The following LAMA1 variants were observed in gnomAD, a reference collection of about 807,000 sequenced individuals.
The protein encoded by LAMA1 is laminin subunit alpha-1.
In LAMA1, 219 loss-of-function variants were observed where a neutral mutation model predicts 348.7. That is an observed-to-expected ratio of 0.63 (90% CI 0.56 to 0.70). The LOEUF (loss-of-function observed/expected upper bound fraction) is 0.70. Ranked by LOEUF, LAMA1 falls within the 30% of genes least tolerant of loss-of-function variation. The probability of loss-of-function intolerance (pLI) is 0.00; values close to 1 mark genes in which losing one functional copy is unlikely to be tolerated. For synonymous variants in LAMA1, 1,487 were observed against 1,491.0 expected, an observed-to-expected ratio of 1.00 and a Z score of 0.06; for missense variants, 3,744 against 3,888.0, an observed-to-expected ratio of 0.96 and a Z score of 0.99.
At chr18:6,988,048 AG>A (rs1210074947) in intron 36 of LAMA1, among the ~76,000 whole-genome samples, 6 of 152,104 alleles carry the variant, frequency 3.9e-5, no homozygotes, top group Non-Finnish European at 8.8e-5. Flanking sequence ...TGGGAGGTGG[AG>A]GTTGCAGTGA....
At chr18:7,093,347 T>C (rs957011867) in intron 1 of LAMA1, among the ~76,000 whole-genome samples, 4 of 151,294 alleles carry the variant, frequency 2.6e-5, no homozygotes, top group South Asian at 2.1e-4. Flanking sequence ...ACCCGGGAGG[T>C]GGAGCTTGCA....
At chr18:6,993,160 G>T (rs1025430580) in intron 35 of LAMA1, among the ~76,000 whole-genome samples, 21 of 152,082 alleles carry the variant, frequency 1.4e-4, no homozygotes, top group African/African-American at 4.8e-4. Flanking sequence ...ATTGGATTCT[G>T]TACTTTTTAA....
chr18:7,024,368 G>A lies in LAMA1; in HGVS notation c.2489+12C>T, dbSNP rs1400923593. On this transcript the variant is annotated intron_variant, in intron 18 of 62. Transcript: ENST00000389658. Reference sequence around the variant, plus strand: ...TTTCGAAAATGTGTTGAAGCCAGTGGATGCAGAGTACCTCTCACACCAAGC... The same window carrying A: ...TTTCGAAAATGTGTTGAAGCCAGTGAATGCAGAGTACCTCTCACACCAAGC... 6.2e-6 allele frequency: 10 copies of A among 1,607,254 alleles called. No individual in the cohort carries two copies. The Admixed American group carries it at 1.2e-4, about 19-fold the overall frequency.
At position 7,002,427 on chromosome 18, in the gene LAMA1, T is replaced by C. The variant is rs753792222; in HGVS notation, c.4261-42A>G. ...AAAGGAAGGGGGAAAAAATGGGAAA[T>C]TGTTAGAAATCATTCTTATCTGGTA... On this transcript the variant is annotated intron_variant, in intron 29 of 62. Transcript: ENST00000389658. 5.6e-6 allele frequency: 9 copies of C among 1,607,704 alleles called. No individual in the cohort carries two copies. The South Asian group carries it at 7.7e-5, about 14-fold the overall frequency.
chr18:7,081,923 T>G (rs1313139127), intron 1 of LAMA1, among the ~76,000 whole-genome samples: 1 of 152,238 alleles, frequency 6.6e-6, no homozygotes, highest in Non-Finnish European at 1.5e-5. Context: ...AATAGCACAG[T>G]GTAATTTTAG....
chr18:6,951,348 G>A (rs1373133127), intron 57 of LAMA1, among the ~76,000 whole-genome samples: 1 of 152,202 alleles, frequency 6.6e-6, no homozygotes, highest in African/African-American at 2.4e-5. Context: ...GACAGAAAGG[G>A]GCAAGCCCCT....
rs771868016 is a variant in LAMA1 at position 7,037,746 on chromosome 18, G to A, written c.1569C>T (p.Asn523=). The A allele has an allele frequency of 6.2e-7, 1 of 1,613,982 alleles. No homozygotes were observed. The highest frequency in any genetic ancestry group is 8.5e-7 in the Non-Finnish European group (1 of 1,180,008). The change falls in exon 12 of 63, where the codon AAC becomes AAT. Residue 523 remains asparagine (N), a synonymous_variant. Transcript: ENST00000389658. The part of the protein sequence containing the change: ...SSLSWPVGQV[N]SMSGWLVTDL... ...CGGTGACCAGCCACCCGGACATACT[G>A]TTTACCTTAAAAACAAATTCAAGAA...
rs1355830999 is a variant in LAMA1 at position 7,044,874 on chromosome 18, A to G, written c.859-35T>C. ...AAGGAAGCCAAAACTGAATTAGAAA[A>G]TGTATCTGCTTATGTTTCTTAATTT... On this transcript the variant is annotated intron_variant, in intron 6 of 62. Coordinates refer to ENST00000389658, the MANE Select transcript of LAMA1 (RefSeq NM_005559.4). 6 of 1,424,824 alleles carry G rather than the reference A, an allele frequency of 4.2e-6. No homozygotes were observed. The African/African-American group carries it at 8.4e-5, about 20-fold the overall frequency. 88.3% of individuals were successfully genotyped at this position (1,424,824 alleles called of 1,614,324 possible). A position where few individuals can be genotyped will look rare whatever the true frequency, so the allele number is the denominator to read the frequency against.
At chr18:7,009,700 A>G (rs1356539674) in intron 26 of LAMA1, among the ~76,000 whole-genome samples, 3 of 152,194 alleles carry the variant, frequency 2.0e-5, no homozygotes, top group African/African-American at 7.2e-5. Flanking sequence ...GTACGCCAAG[A>G]TAAAGAATTT....
rs766919424 is a variant in LAMA1, at chr18:6,986,355, A to T, written c.5169-8T>A. Reference sequence around the variant, plus strand: ...AATAAATCTTCAGCAGCCCTGATAAATATGAATGGTTCACATAGTAAGTAA... The same window carrying T: ...AATAAATCTTCAGCAGCCCTGATAATTATGAATGGTTCACATAGTAAGTAA... On this transcript the variant is annotated splice_region_variant and splice_polypyrimidine_tract_variant and intron_variant, in intron 36 of 62. Coordinates refer to ENST00000389658, the MANE Select transcript of LAMA1 (RefSeq NM_005559.4). 1 of 1,612,906 alleles carries T rather than the reference A, an allele frequency of 6.2e-7. No individual in the cohort carries two copies. Among genetic ancestry groups the T allele is most frequent in the Admixed American group, 1.7e-5 (1 of 60,028 alleles).
rs369094847 is a variant in LAMA1 at position 7,079,950 on chromosome 18, C to T, written c.345+25G>A. ...CACAGCTCAGCAGCCTGTAGACACT[C>T]TTCAATGGTTCTGGGCTCACCTACC... is the stretch of plus-strand genomic sequence containing the variant. On this transcript the variant is annotated intron_variant, in intron 3 of 62. Transcript: ENST00000389658. The T allele has an allele frequency of 6.3e-5, 96 of 1,535,570 alleles. No individual in the cohort carries two copies. The African/African-American group carries it at 9.3e-4, about 15-fold the overall frequency.
intron 3 of LAMA1, among the ~76,000 whole-genome samples, chr18:7,054,187 A>G (rs890425173): frequency 1.3e-5 from 2 of 152,162 alleles, no homozygotes; most frequent in Non-Finnish European, 2.9e-5. Context: ...TCTGAACATA[A>G]CTATCATATA....
rs908118926 is a variant in LAMA1 at position 7,049,204 on chromosome 18, C to T, written c.642G>A (p.Lys214=). The change falls in exon 5 of 63, where the codon AAG becomes AAA. Residue 214 remains lysine, a synonymous_variant. Transcript: ENST00000389658. The stretch of plus-strand genomic sequence containing the variant: ...ATCGTGCAGAAGTGAATTCCAACAA[C>T]TTGGGTGAAAGATCGTCAGCGCTTG... ...GRPSADDLSP[K]LLEFTSARYI... 2.5e-6 allele frequency: 4 copies of T among 1,614,108 alleles called. No individual in the cohort carries two copies. Among genetic ancestry groups the T allele is most frequent in the Non-Finnish European group, 3.4e-6 (4 of 1,180,026 alleles).
Position 7,005,683 on chromosome 18 carries a change from T to C in LAMA1, c.4260+1456A>G, listed in dbSNP as rs145836747. 3.0e-3 allele frequency among the ~76,000 whole-genome samples: 453 copies of C among 152,256 alleles called. 2 individuals carry two copies. Among genetic ancestry groups the C allele is most frequent in the Non-Finnish European group, 4.8e-3 (324 of 68,018 alleles). On this transcript the variant is annotated intron_variant, in intron 29 of 62. Transcript: ENST00000389658. The stretch of plus-strand genomic sequence containing the variant: ...GAATTGCTTGAAGCCAAGAGGCAGA[T>C]GTTGCAGTGAGCTGACTGCGCCATT...
chr18:7,096,191 C>T (rs1161015304), intron 1 of LAMA1, among the ~76,000 whole-genome samples: 1 of 152,220 alleles, frequency 6.6e-6, no homozygotes, highest in Non-Finnish European at 1.5e-5. Context: ...TGGTGGTTCT[C>T]CAATCCGGAA....
chr18:7,105,482 AAAC>A (rs1474654059), intron 1 of LAMA1, among the ~76,000 whole-genome samples: 1 of 99,324 alleles, frequency 1.0e-5, no homozygotes, highest in African/African-American at 5.3e-5. Flanking sequence ...ATAAATAAAC[AAAC>A]AAGAGCAGAA....
Position 7,034,705 on chromosome 18 carries a change from C to T in LAMA1, c.1840-15G>A. The T allele has an allele frequency of 2.5e-6, 4 of 1,599,698 alleles. No individual in the cohort carries two copies. In the Admixed American group the frequency reaches 5.0e-5, roughly 20 times the overall value. ...AGTCCGTTTCCCTAACATTTAAAAA[C>T]AAGAGAAAATATATTTGTCATTCAA... On this transcript the variant is annotated splice_polypyrimidine_tract_variant and intron_variant, in intron 13 of 62. Transcript: ENST00000389658.
At chr18:6,967,134 G>A (rs1428211387) in intron 48 of LAMA1, among the ~76,000 whole-genome samples, 1 of 152,140 alleles carries the variant, frequency 6.6e-6, no homozygotes, top group Non-Finnish European at 1.5e-5. Flanking sequence ...TAACCAAACA[G>A]TAAAATCGTT....
rs775958585 is a variant in LAMA1, at chr18:6,955,481, A to G, written c.8095-16T>C. 6.2e-7 allele frequency: 1 copy of G among 1,600,274 alleles called. No homozygotes were observed. Among genetic ancestry groups the G allele is most frequent in the Non-Finnish European group, 8.6e-7 (1 of 1,167,712 alleles). ...CACACTGTTCCTGTAAGAGACACAC[A>G]GGGACACTCAGCCGCCACCCGCAGC... On this transcript the variant is annotated splice_polypyrimidine_tract_variant and intron_variant, in intron 56 of 62. Transcript: ENST00000389658.
Sources: gnomAD v4.1 joint callset for allele counts (sites outside exome capture counted in the v4.1 genomes callset) on GRCh38, gnomAD v4.1.1 for gene constraint, MANE v1.5 for transcripts, NCBI Gene and HGNC (gene_info 2026-07-23, HGNC 2026-07-21) for gene names.